Variants in HTR4 observed in about 807,000 individuals in gnomAD.
HTR4 encodes 5-hydroxytryptamine (serotonin) receptor 4, G protein-coupled.
HTR4 carries 16 observed loss-of-function variants against 36.8 expected under a neutral mutation model. The ratio of observed to expected loss-of-function variants is 0.43; its 90% CI spans 0.29 to 0.66. The LOEUF (loss-of-function observed/expected upper bound fraction) is 0.66. Among genes scored for constraint, HTR4 ranks in the 30% least tolerant of loss-of-function variants. The pLI, the probability that HTR4 is intolerant of heterozygous loss-of-function variation, is 0.13. For synonymous variants in HTR4, 189 were observed against 185.1 expected (o/e 1.02, Z -0.17); for missense variants, 438 against 490.9 (o/e 0.89, Z 1.02).
intron 2 of HTR4, among the ~76,000 whole-genome samples, chr5:148,610,437 GGTAC>G (rs1381865154): frequency 6.6e-6 from 1 of 152,054 alleles, no homozygotes; most frequent in Non-Finnish European, 1.5e-5. Flanking sequence ...CACACTGCAG[GGTAC>G]TCCAACAGAC....
intron 1 of HTR4, among the ~76,000 whole-genome samples, chr5:148,642,557 A>G (rs989367843): frequency 6.6e-6 from 1 of 152,074 alleles, no homozygotes; most frequent in Non-Finnish European, 1.5e-5. Flanking sequence ...ATAACCTACT[A>G]CCCGCCATAT....
intron 2 of HTR4, chr5:148,629,319 T>G (rs1263980856): frequency 6.6e-6 from 1 of 152,180 alleles, no homozygotes; most frequent in Non-Finnish European, 1.5e-5. Context: ...GAATTTGAAA[T>G]GCTACAATGC....
chr5:148,646,909 C>T (rs145556597), intron 1 of HTR4, among the ~76,000 whole-genome samples: 9 of 152,306 alleles, frequency 5.9e-5, no homozygotes, highest in African/African-American at 1.7e-4. Flanking sequence ...CAAACAACAA[C>T]AACAACAAAA....
At position 148,650,567 on chromosome 5, in the gene HTR4, G is replaced by GT. The variant is rs201012546; in HGVS notation, c.-48+3494dup. 1.5e-3 allele frequency among the ~76,000 whole-genome samples: 224 copies of GT among 152,084 alleles called. 2 individuals carry two copies. Among genetic ancestry groups the GT allele is most frequent in the East Asian group, 8.9e-3 (46 of 5,188 alleles). On this transcript the variant is annotated intron_variant, in intron 1 of 6. Transcript: ENST00000377888. ...GCAAACCAAGAAGAATAAAGACAGA[G>GT]TTTTTTTTAAAAAAAATGGTGACTT...
intron 2 of HTR4, among the ~76,000 whole-genome samples, chr5:148,564,377 T>C (rs184720024): frequency 6.6e-6 from 1 of 152,194 alleles, no homozygotes; most frequent in African/African-American, 2.4e-5. Flanking sequence ...ACCCTATAAT[T>C]ATATATCATA....
intron 6 of HTR4, among the ~76,000 whole-genome samples, chr5:148,506,233 A>C (rs183400718): frequency 6.3e-4 from 96 of 152,284 alleles, no homozygotes; most frequent in African/African-American, 2.2e-3. Flanking sequence ...ATCTACAACC[A>C]TCTGATCTTT....
At chr5:148,489,834 G>A (rs1756332473) in intron 6 of HTR4, among the ~76,000 whole-genome samples, 1 of 152,034 alleles carries the variant, frequency 6.6e-6, no homozygotes, top group African/African-American at 2.4e-5. Flanking sequence ...CCCACTGCAA[G>A]TCCTACTGTA....
Position 148,550,270 on chromosome 5 carries a change from A to G in HTR4, c.27-8T>C. 6.2e-7 allele frequency: 1 copy of G among 1,613,992 alleles called. No individual in the cohort carries two copies. The highest frequency in any genetic ancestry group is 8.5e-7 in the Non-Finnish European group (1 of 1,179,930). ...CCGAAACCCTCCTCAGAACTGAAAGACACACACAAGCACAAAGAATTGAAT... is the reference window on the plus strand; with the variant it reads ...CCGAAACCCTCCTCAGAACTGAAAGGCACACACAAGCACAAAGAATTGAAT... On this transcript the variant is annotated splice_polypyrimidine_tract_variant and splice_region_variant and intron_variant, in intron 2 of 6. Transcript: ENST00000377888.
intron 6 of HTR4, among the ~76,000 whole-genome samples, chr5:148,504,996 T>G (rs879530280): frequency 5.9e-5 from 9 of 152,208 alleles, no homozygotes; most frequent in Non-Finnish European, 1.3e-4. Flanking sequence ...ATTGAGGCAG[T>G]AATTAATAGC....
rs1757972761 is a variant in HTR4, at chr5:148,520,735, A to G, written c.507+2458T>C. ...AGTAAGTGTTCAACATTCACTGGCCATTATTATTCTTGGAGTAATAATAAT... is the reference window on the plus strand; with the variant it reads ...AGTAAGTGTTCAACATTCACTGGCCGTTATTATTCTTGGAGTAATAATAAT... On this transcript the variant is annotated intron_variant, in intron 5 of 6. Transcript: ENST00000377888. Among the ~76,000 whole-genome samples, 4 of 152,256 alleles carry G rather than the reference A, an allele frequency of 2.6e-5. No homozygotes were observed. The South Asian group carries it at 8.3e-4, about 31-fold the overall frequency.
At chr5:148,563,932 C>A (rs574849409) in intron 2 of HTR4, among the ~76,000 whole-genome samples, 89 of 152,256 alleles carry the variant, frequency 5.8e-4, no homozygotes, top group African/African-American at 2.1e-3. Context: ...GAATGACTGA[C>A]TGAATGAATG....
chr5:148,493,006 T>C (rs1250587868), intron 6 of HTR4, among the ~76,000 whole-genome samples: 1 of 152,226 alleles, frequency 6.6e-6, no homozygotes, highest in East Asian at 1.9e-4. Context: ...GAAGTGGGCA[T>C]CCTGGAAAGA....
At chr5:148,617,651 T>G (rs1034234172) in intron 2 of HTR4, among the ~76,000 whole-genome samples, 5 of 151,976 alleles carry the variant, frequency 3.3e-5, no homozygotes, top group African/African-American at 1.2e-4. Flanking sequence ...GTATTTTTAG[T>G]AAAGAGAGGG....
intron 5 of HTR4, among the ~76,000 whole-genome samples, chr5:148,462,901 G>GA (rs1279637639): frequency 1.3e-5 from 2 of 151,624 alleles, no homozygotes; most frequent in Non-Finnish European, 2.9e-5. Flanking sequence ...GGCTAAAAAA[G>GA]AAAAATCACA....
chr5:148,541,310 C>T (rs989495728), intron 4 of HTR4, among the ~76,000 whole-genome samples: 1 of 152,278 alleles, frequency 6.6e-6, no homozygotes. Flanking sequence ...CCACAAGTCA[C>T]ATCTCAGCAT....
chr5:148,649,878 C>T (rs886881609), intron 1 of HTR4, among the ~76,000 whole-genome samples: 2 of 152,084 alleles, frequency 1.3e-5, no homozygotes, highest in African/African-American at 2.4e-5. Context: ...GTTTCATTTT[C>T]GTTCTTTAGG....
chr5:148,600,337 TTA>T (rs201708284), intron 2 of HTR4, among the ~76,000 whole-genome samples: 22 of 139,624 alleles, frequency 1.6e-4, no homozygotes, highest in African/African-American at 4.2e-4. Context: ...TGTATATTAT[TTA>T]TATATATATA....
At chr5:148,648,528 TA>T (rs1434148973) in intron 1 of HTR4, among the ~76,000 whole-genome samples, 1 of 152,218 alleles carries the variant, frequency 6.6e-6, no homozygotes, top group African/African-American at 2.4e-5. Context: ...TTGTCTCTAT[TA>T]CAAGCCACAG....
intron 3 of HTR4, among the ~76,000 whole-genome samples, chr5:148,549,157 C>T (rs1450274820): frequency 6.6e-6 from 1 of 152,134 alleles, no homozygotes; most frequent in Non-Finnish European, 1.5e-5. Flanking sequence ...CCACCCTGCC[C>T]TAATCTGAGT....
Sources: allele counts gnomAD v4.1 joint callset (sites outside exome capture counted in the v4.1 genomes callset), GRCh38; gene constraint gnomAD v4.1.1; transcripts MANE v1.5; gene names NCBI Gene and HGNC (gene_info 2026-07-23, HGNC 2026-07-21).